GNA14: variants seen among roughly 807,000 people sequenced by gnomAD.
GNA14 encodes guanine nucleotide-binding protein subunit alpha-14.
Under a neutral mutation model 42.0 loss-of-function variants are expected in GNA14, and 50 were observed. The observed-to-expected ratio is 1.19, with a 90% CI of 0.95 to 1.51. The LOEUF is 1.51. Ranked by LOEUF, GNA14 falls within the 40% of genes most tolerant of loss-of-function variation. The pLI, the probability that GNA14 is intolerant of heterozygous loss-of-function variation, is 0.00. For missense variants in GNA14, 473 were observed against 446.2 expected, an observed-to-expected ratio of 1.06 and a Z score of -0.54; for synonymous variants, 173 against 163.1, an observed-to-expected ratio of 1.06 and a Z score of -0.46.
chr9:77,465,668 A>G (rs904069815), intron 2 of GNA14, among the ~76,000 whole-genome samples: 1 of 6,092 alleles, frequency 1.6e-4, no homozygotes, highest in Non-Finnish European at 2.8e-4. Context: ...TGCTTGATAT[A>G]GGATTTTTTT....
intron 2 of GNA14, among the ~76,000 whole-genome samples, chr9:77,523,085 C>T (rs72730890): frequency 0.049 from 7,447 of 152,252 alleles, 613 homozygotes; most frequent in African/African-American, 0.17. Flanking sequence ...AGTCCTCACA[C>T]TTCTAGAAAC....
At chr9:77,495,113 A>G (rs1485311105) in intron 2 of GNA14, among the ~76,000 whole-genome samples, 2 of 152,128 alleles carry the variant, frequency 1.3e-5, no homozygotes, top group East Asian at 3.8e-4. Context: ...AGTTTTATGA[A>G]TATTGGAAAC....
intron 1 of GNA14, among the ~76,000 whole-genome samples, chr9:77,553,648 T>C (rs570546839): frequency 6.6e-6 from 1 of 152,076 alleles, no homozygotes; most frequent in Non-Finnish European, 1.5e-5. Flanking sequence ...AAATCCAGTG[T>C]TAATGGGCAT....
intron 1 of GNA14, among the ~76,000 whole-genome samples, chr9:77,644,187 C>T (rs12343334): frequency 0.018 from 2,757 of 152,018 alleles, 69 homozygotes; most frequent in African/African-American, 0.055. Context: ...GGAAGTGGCA[C>T]GACACAGTGG....
chr9:77,549,397 AC>A (rs1163073892), intron 1 of GNA14, among the ~76,000 whole-genome samples: 1 of 152,148 alleles, frequency 6.6e-6, no homozygotes. Context: ...ATGAATTCTA[AC>A]ACCCTGTGGC....
At chr9:77,581,037 C>CA (rs1554700663) in intron 1 of GNA14, among the ~76,000 whole-genome samples, 12 of 137,054 alleles carry the variant, frequency 8.8e-5, no homozygotes, top group African/African-American at 3.3e-4. Flanking sequence ...CACACACACA[C>CA]AATAGTACCC....
intron 1 of GNA14, among the ~76,000 whole-genome samples, chr9:77,634,710 T>C (rs1051413105): frequency 1.3e-5 from 2 of 152,216 alleles, no homozygotes; most frequent in African/African-American, 4.8e-5. Context: ...TTATGAACCT[T>C]CTTAGACAAT....
intron 2 of GNA14, among the ~76,000 whole-genome samples, chr9:77,463,484 G>A (rs1282202356): frequency 6.6e-6 from 1 of 152,228 alleles, no homozygotes; most frequent in Admixed American, 6.5e-5. Flanking sequence ...CCAGCCCGGG[G>A]TAGGACCAAG....
At chr9:77,508,901 T>G (rs1837115147) in intron 2 of GNA14, among the ~76,000 whole-genome samples, 1 of 152,070 alleles carries the variant, frequency 6.6e-6, no homozygotes, top group African/African-American at 2.4e-5. Flanking sequence ...CATACTAAAA[T>G]GAAAAGGAAG....
intron 1 of GNA14, among the ~76,000 whole-genome samples, chr9:77,603,956 CAAAAAAAAAAAAAA>C (rs67044542): frequency 9.8e-5 from 8 of 81,608 alleles, no homozygotes; most frequent in African/African-American, 4.0e-4. Context: ...AAAAAAAAAA[CAAAAAAAAAAAAAA>C]AAAAAAAAAA....
chr9:77,563,592 C>T (rs1274568449), intron 1 of GNA14, among the ~76,000 whole-genome samples: 1 of 152,050 alleles, frequency 6.6e-6, no homozygotes, highest in African/African-American at 2.4e-5. Flanking sequence ...GTTGGCTTCA[C>T]CTCAGATGGC....
At chr9:77,487,362 T>A (rs142142705) in intron 2 of GNA14, among the ~76,000 whole-genome samples, 245 of 152,312 alleles carry the variant, frequency 1.6e-3, no homozygotes, top group African/African-American at 4.0e-3. Context: ...ACAGAATTTT[T>A]AAAAATATTA....
chr9:77,461,941 A>AT (rs1836114642), intron 2 of GNA14, among the ~76,000 whole-genome samples: 1 of 152,150 alleles, frequency 6.6e-6, no homozygotes, highest in Admixed American at 6.5e-5. Context: ...TCTCTTTTAT[A>AT]TAATTGCTTT....
At chr9:77,600,426 T>C (rs1020527489) in intron 1 of GNA14, among the ~76,000 whole-genome samples, 3 of 152,248 alleles carry the variant, frequency 2.0e-5, no homozygotes, top group African/African-American at 7.2e-5. Context: ...CTACCTGGCG[T>C]ACACAGGTAT....
Position 77,641,080 on chromosome 9 carries a change from GGGAGGGGAGGGGAGGGGGGGGAAGGAA to G in GNA14, c.124+6563_124+6589del, listed in dbSNP as rs1824252096. On this transcript the variant is annotated intron_variant, in intron 1 of 6. Coordinates refer to ENST00000341700, the MANE Select transcript of GNA14 (RefSeq NM_004297.4). ...AAGGAAGGAGGGGAGGGGAGGGGAGGGGAGGGGAGGGGAGGGGGGGGAAGGAAGGAAGGAAGGAAGGAAGGAAGGAAG... is the reference window on the plus strand; with the variant it reads ...AAGGAAGGAGGGGAGGGGAGGGGAGGGGAAGGAAGGAAGGAAGGAAGGAAG... 9.8e-5 allele frequency among the ~76,000 whole-genome samples: 4 copies of G among 40,952 alleles called. 1 individual carries two copies. The highest frequency in any genetic ancestry group is 5.1e-4 in the African/African-American group (4 of 7,916). The allele number at this position is 40,952 out of a possible 152,430, so 26.9% of individuals were successfully genotyped here. A position where few individuals can be genotyped will look rare whatever the true frequency, so the allele number is the denominator to read the frequency against.
intron 2 of GNA14, among the ~76,000 whole-genome samples, chr9:77,487,384 T>C (rs1836679682): frequency 2.0e-5 from 3 of 152,256 alleles, no homozygotes; most frequent in Non-Finnish European, 4.4e-5. Context: ...GTACCAGTGT[T>C]ACTTTGATTA....
intron 2 of GNA14, among the ~76,000 whole-genome samples, chr9:77,524,261 C>A (rs1268189960): frequency 6.6e-6 from 1 of 152,008 alleles, no homozygotes; most frequent in Non-Finnish European, 1.5e-5. Context: ...AGTTAAAAAA[C>A]AAATGCGGAA....
chr9:77,425,145 G>C (rs1564009873), intron 6 of GNA14, among the ~76,000 whole-genome samples: 1 of 152,114 alleles, frequency 6.6e-6, no homozygotes, highest in Non-Finnish European at 1.5e-5. Context: ...CGACTGGGAA[G>C]AGAGCTGAGT....
chr9:77,438,837 C>T (rs1328354162), intron 2 of GNA14, among the ~76,000 whole-genome samples: 1 of 152,184 alleles, frequency 6.6e-6, no homozygotes, highest in Non-Finnish European at 1.5e-5. Flanking sequence ...TCTCTAGAGA[C>T]TTAGTGTGAC....
Sources: allele counts gnomAD v4.1 joint callset (sites outside exome capture counted in the v4.1 genomes callset), GRCh38; gene constraint gnomAD v4.1.1; transcripts MANE v1.5; gene names NCBI Gene and HGNC (gene_info 2026-07-23, HGNC 2026-07-21).